Variants in TRAM1 observed in about 807,000 individuals in gnomAD.
TRAM1 encodes translocating chain-associated membrane protein 1.
TRAM1 carries 17 observed loss-of-function variants against 48.7 expected under a neutral mutation model. The observed-to-expected ratio is 0.35, with a 90% CI of 0.24 to 0.52. The LOEUF (loss-of-function observed/expected upper bound fraction) is 0.52. Ranked by LOEUF, TRAM1 falls within the 20% of genes least tolerant of loss-of-function variation. The pLI is 0.94. For synonymous variants in TRAM1, 182 were observed against 154.0 expected, an observed-to-expected ratio of 1.18 and a Z score of -1.34; for missense variants, 351 against 441.5, an observed-to-expected ratio of 0.79 and a Z score of 1.84.
intron 10 of TRAM1, among the ~76,000 whole-genome samples, chr8:70,577,412 C>A (rs1183807540): frequency 1.3e-5 from 2 of 152,148 alleles, no homozygotes; most frequent in Non-Finnish European, 2.9e-5. Context: ...TTTCTGGGCC[C>A]ACCCATGGAC....
intron 6 of TRAM1, among the ~76,000 whole-genome samples, chr8:70,593,097 T>G (rs550490267): frequency 6.6e-6 from 1 of 152,294 alleles, no homozygotes; most frequent in East Asian, 1.9e-4. Flanking sequence ...GTCTTCATCC[T>G]ATTCCTTATC....
chr8:70,598,397 G>T, intron 2 of TRAM1, 142 bp from the exon 3 acceptor site: 1 of 671,130 alleles, frequency 1.5e-6, no homozygotes, highest in South Asian at 3.3e-5. Flanking sequence ...CGTGGTCTTG[G>T]ACATCTTGAG....
rs1817793526 is a variant in TRAM1, at chr8:70,608,170, G to T, written c.30C>A (p.Ser10Arg). MAIRKKSTK[S>R]PPVLSHEFVL... ...CGAATTCGTGGCTCAGCACTGGGGG[G>T]CTCTTGGTGCTTTTCTTGCGAATCG... The change falls in exon 1 of 11, where the codon AGC becomes AGA. Residue 10 changes from serine to arginine, a missense_variant. By Grantham distance (110) the Ser-to-Arg change is moderately radical (BLOSUM62 -1). Coordinates refer to ENST00000262213, the MANE Select transcript of TRAM1 (RefSeq NM_014294.6). 6.3e-7 allele frequency: 1 copy of T among 1,590,498 alleles called. No homozygotes were observed. The highest frequency in any genetic ancestry group is 2.4e-5 in the East Asian group (1 of 41,148).
At chr8:70,585,768 A>G (rs1817203011) in intron 8 of TRAM1, among the ~76,000 whole-genome samples, 1 of 106,124 alleles carries the variant, frequency 9.4e-6, no homozygotes, top group African/African-American at 3.0e-5. Flanking sequence ...AAAAGTCAGG[A>G]AACAACAGGT....
intron 10 of TRAM1, among the ~76,000 whole-genome samples, chr8:70,578,918 C>G (rs1817016991): frequency 6.6e-6 from 1 of 152,326 alleles, no homozygotes; most frequent in South Asian, 2.1e-4. Context: ...TTGCTTTCCA[C>G]GGTTTCAGTT....
Position 70,594,165 on chromosome 8 carries a change from C to T in TRAM1, c.570+341G>A, listed in dbSNP as rs188665128. Among the ~76,000 whole-genome samples, 142 of 151,936 alleles carry T rather than the reference C, an allele frequency of 9.3e-4. 1 individual carries two copies. The highest frequency in any genetic ancestry group is 6.8e-3 in the Middle Eastern group (2 of 294). On this transcript the variant is annotated intron_variant, in intron 6 of 10. Transcript: ENST00000262213. ...TTTGGCTCACTTGTGAAATAATTTG[C>T]TAAGAATATCAGTAAGATAAAACAA...
chr8:70,579,923 G>T (rs138925828), intron 10 of TRAM1, among the ~76,000 whole-genome samples: 22 of 152,092 alleles, frequency 1.4e-4, no homozygotes, highest in African/African-American at 5.3e-4. Context: ...AAGTGAATTA[G>T]GAAGACTTTT....
chr8:70,591,572 A>T (rs567941786), intron 6 of TRAM1, among the ~76,000 whole-genome samples: 1 of 152,348 alleles, frequency 6.6e-6, no homozygotes, highest in East Asian at 1.9e-4. Context: ...TTATTCCAAC[A>T]TCTGTTTATT....
chr8:70,583,921 G>A (rs1373686985), intron 8 of TRAM1, 128 bp from the exon 9 acceptor site: 6 of 1,085,762 alleles, frequency 5.5e-6, no homozygotes, highest in Non-Finnish European at 7.5e-6. Context: ...GCTGAGGCAG[G>A]AGAATTGCTT....
At position 70,594,311 on chromosome 8, in the gene TRAM1, T is replaced by TG. The variant is rs200958616; in HGVS notation, c.570+194_570+195insC. Reference sequence around the variant, plus strand: ...GCTAAAATACTGACTGAAGGTTTTTTTTTTTTTTTTTTCAAGAAATGCTTA... The same window carrying TG: ...GCTAAAATACTGACTGAAGGTTTTTTGTTTTTTTTTTTTCAAGAAATGCTTA... On this transcript the variant is annotated intron_variant, in intron 6 of 10. Coordinates refer to ENST00000262213, the MANE Select transcript of TRAM1 (RefSeq NM_014294.6). Among the ~76,000 whole-genome samples, 1,284 of 151,136 alleles carry TG rather than the reference T, an allele frequency of 8.5e-3. 41 individuals carry two copies. In the East Asian group the frequency reaches 0.1, roughly 12 times the overall value.
At chr8:70,577,994 T>C (rs1178894771) in intron 10 of TRAM1, among the ~76,000 whole-genome samples, 2 of 152,340 alleles carry the variant, frequency 1.3e-5, no homozygotes, top group East Asian at 3.9e-4. Context: ...TGGCTAGACC[T>C]TGTGTGTGCT....
intron 6 of TRAM1, among the ~76,000 whole-genome samples, chr8:70,592,827 C>T (rs10104988): frequency 0.028 from 4,240 of 152,312 alleles, 173 homozygotes; most frequent in African/African-American, 0.096. Context: ...TGTTCCATAT[C>T]TCCTCTGTTC....
At chr8:70,588,188 G>A (rs553600750) in intron 6 of TRAM1, among the ~76,000 whole-genome samples, 1 of 152,236 alleles carries the variant, frequency 6.6e-6, no homozygotes, top group South Asian at 2.1e-4. Context: ...CTGTACTCCA[G>A]CTTGGGTGAC....
intron 1 of TRAM1, among the ~76,000 whole-genome samples, chr8:70,601,384 T>C (rs1358549545): frequency 6.6e-6 from 1 of 152,238 alleles, no homozygotes; most frequent in Non-Finnish European, 1.5e-5. Context: ...GCATTACACC[T>C]TTTCAAGGAA....
At chr8:70,597,549 A>G (rs968740064) in intron 4 of TRAM1, among the ~76,000 whole-genome samples, 2 of 151,268 alleles carry the variant, frequency 1.3e-5, no homozygotes, top group Non-Finnish European at 2.9e-5. Context: ...GTGCGTCTGT[A>G]GTCCCAGCTA....
rs940763914 is a variant in TRAM1, at chr8:70,587,091, A to T, written c.641+15T>A. The stretch of plus-strand genomic sequence containing the variant: ...GCCCAGCCTACTTACACACCCATGA[A>T]ATATCCCAACTCACTTCAAAAGGTA... On this transcript the variant is annotated intron_variant, in intron 7 of 10. Coordinates refer to ENST00000262213, the MANE Select transcript of TRAM1 (RefSeq NM_014294.6). 14 of 1,613,882 alleles carry T rather than the reference A, an allele frequency of 8.7e-6. No homozygotes were observed. The highest frequency in any genetic ancestry group is 1.2e-5 in the Non-Finnish European group (14 of 1,179,814).
At chr8:70,593,400 TAAAA>T (rs751388042) in intron 6 of TRAM1, among the ~76,000 whole-genome samples, 16 of 134,116 alleles carry the variant, frequency 1.2e-4, no homozygotes, top group African/African-American at 4.1e-4. Flanking sequence ...CAAAGGGGAT[TAAAA>T]AAAAAAAAAA....
Position 70,586,887 on chromosome 8 carries a change from C to T in TRAM1, c.746+8G>A, listed in dbSNP as rs200469724. The T allele has an allele frequency of 1.9e-6, 3 of 1,609,500 alleles. No homozygotes were observed. The highest frequency in any genetic ancestry group is 2.2e-5 in the East Asian group (1 of 44,834). ...GTACACGAGAAATAGAATGGCTAAA[C>T]AACTTACCCTTTCTGATACTTTTCA... On this transcript the variant is annotated splice_region_variant and intron_variant, in intron 8 of 10. Coordinates refer to ENST00000262213, the MANE Select transcript of TRAM1 (RefSeq NM_014294.6).
intron 6 of TRAM1, among the ~76,000 whole-genome samples, chr8:70,593,586 A>G (rs191351164): frequency 1.4e-5 from 2 of 145,060 alleles, no homozygotes; most frequent in East Asian, 1.9e-4. Context: ...AGGATTTCAT[A>G]TATGAGAATT....
Sources: gnomAD v4.1 joint callset for allele counts (sites outside exome capture counted in the v4.1 genomes callset) on GRCh38, gnomAD v4.1.1 for gene constraint, MANE v1.5 for transcripts, NCBI Gene and HGNC (gene_info 2026-07-23, HGNC 2026-07-21) for gene names.